Variants in PEX26 observed in about 807,000 individuals in gnomAD.
The protein encoded by PEX26 is peroxisomal biogenesis factor 26, also known as peroxisome assembly protein 26.
A neutral mutation model predicts 31.4 loss-of-function variants in PEX26; 18 were observed. The ratio of observed to expected loss-of-function variants is 0.57; its 90% confidence interval spans 0.40 to 0.85. The LOEUF (loss-of-function observed/expected upper bound fraction) is 0.85. Ranked by LOEUF, PEX26 falls within the 40% of genes least tolerant of loss-of-function variation. The pLI is 0.00. For missense variants in PEX26, 377 were observed against 383.9 expected, an observed-to-expected ratio of 0.98 and a Z score of 0.15; for synonymous variants, 176 against 166.9, an observed-to-expected ratio of 1.05 and a Z score of -0.42.
Position 18,083,405 on chromosome 22 carries a change from T to C in PEX26, c.372-32T>C, listed in dbSNP as rs369315161. ...CCAATCATTGAGCACTGACTCTTCT[T>C]TTGTTGGGATTGGGTTTTTTGGGGA... On this transcript the variant is annotated intron_variant, in intron 2 of 4. Coordinates refer to ENST00000399744, the MANE Select transcript of PEX26 (RefSeq NM_001127649.3). 7 of 1,609,838 alleles carry C rather than the reference T, an allele frequency of 4.3e-6. No individual in the cohort carries two copies. In the African/African-American group the frequency reaches 8.0e-5, roughly 18 times the overall value.
At chr22:18,082,541 C>T (rs994644504) in intron 2 of PEX26, among the ~76,000 whole-genome samples, 1 of 152,096 alleles carries the variant, frequency 6.6e-6, no homozygotes, top group African/African-American at 2.4e-5. Flanking sequence ...TTTCTGGGCT[C>T]TCTGTTCTGT....
intron 3 of PEX26, among the ~76,000 whole-genome samples, chr22:18,084,250 T>A (rs962674923): frequency 6.7e-6 from 1 of 149,674 alleles, no homozygotes; most frequent in African/African-American, 2.5e-5. Flanking sequence ...TTTTTTTTTT[T>A]TTTTTTTTGT....
intron 4 of PEX26, among the ~76,000 whole-genome samples, chr22:18,085,871 C>CAAAACAAAAAACAA (rs543906691): frequency 6.7e-6 from 1 of 150,320 alleles, no homozygotes; most frequent in Non-Finnish European, 1.5e-5. Flanking sequence ...GACTCTGTCT[C>CAAAACAAAAAACAA]AAAACAAAAA....
Position 18,083,419 on chromosome 22 carries a change from GT to G in PEX26, c.372-12del, listed in dbSNP as rs1489019658. On this transcript the variant is annotated splice_polypyrimidine_tract_variant and intron_variant, in intron 2 of 4. Transcript: ENST00000399744. ...CTGACTCTTCTTTTGTTGGGATTGG[GT>G]TTTTTGGGGACTGCAGCATTCTTTT... 1 of 1,613,006 alleles carries G rather than the reference GT, an allele frequency of 6.2e-7. No homozygotes were observed.
chr22:18,090,003 A>G lies in PEX26; in HGVS notation c.*1928A>G, dbSNP rs905337330. 1 of 152,300 alleles carries G rather than the reference A, an allele frequency of 6.6e-6. No individual in the cohort carries two copies. The allele number at this position is 152,300 out of a possible 1,614,324, so 9.4% of individuals were successfully genotyped here. On this transcript the variant is annotated 3_prime_UTR_variant, in exon 5 of 5. Coordinates refer to ENST00000399744, the MANE Select transcript of PEX26 (RefSeq NM_001127649.3). ...AGGTGTGAGCCATCGCGCCCGGCCA[A>G]CTTTTCTTTAGAAAAATGAGTAAAG...
intron 4 of PEX26, among the ~76,000 whole-genome samples, chr22:18,085,666 C>A (rs1298768808): frequency 6.6e-6 from 1 of 151,856 alleles, no homozygotes; most frequent in African/African-American, 2.4e-5. Context: ...GTCAGGAAAT[C>A]GAGACCAGCC....
Position 18,101,720 on chromosome 22 carries a change from G to C in PEX26, c.*13645G>C, listed in dbSNP as rs968676028. ...GTGATGAAATCACCCTCTCCTTTAA[G>C]ACCTGGCATTACAATGGCCTCATCC... On this transcript the variant is annotated 3_prime_UTR_variant, in exon 5 of 5. Coordinates refer to ENST00000399744, the MANE Select transcript of PEX26 (RefSeq NM_001127649.3). The C allele has an allele frequency of 3.7e-6, 1 of 270,782 alleles. No homozygotes were observed. The highest frequency in any genetic ancestry group is 2.3e-5 in the African/African-American group (1 of 43,782). 16.8% of individuals were successfully genotyped at this position (270,782 alleles called of 1,614,324 possible).
At position 18,083,493 on chromosome 22, in the gene PEX26, C is replaced by G. The variant is rs1339815846; in HGVS notation, c.428C>G (p.Ala143Gly). The change falls in exon 3 of 5, where the codon GCC (alanine) becomes GGC (glycine). Residue 143 changes from alanine to glycine, a missense_variant. Coordinates refer to ENST00000399744, the MANE Select transcript of PEX26 (RefSeq NM_001127649.3). ...EPGAVLDVVG[A>G]WLQDPANQNL... ...GGAGCTGTGCTGGATGTGGTGGGTG[C>G]CTGGCTCCAAGACCCAGCCAATCAA... 3 of 1,614,068 alleles carry G rather than the reference C, an allele frequency of 1.9e-6. No homozygotes were observed. The South Asian group carries it at 3.3e-5, about 18-fold the overall frequency.
rs1927237784 is a variant in PEX26, at chr22:18,094,712, A to G, written c.*6637A>G. 1 of 150,724 alleles carries G rather than the reference A, an allele frequency of 6.6e-6. No individual in the cohort carries two copies. Among genetic ancestry groups the G allele is most frequent in the African/African-American group, 2.4e-5 (1 of 40,976 alleles). The allele number at this position is 150,724 out of a possible 1,614,324, so 9.3% of individuals were successfully genotyped here. On this transcript the variant is annotated 3_prime_UTR_variant, in exon 5 of 5. Coordinates refer to ENST00000399744, the MANE Select transcript of PEX26 (RefSeq NM_001127649.3). The stretch of plus-strand genomic sequence containing the variant: ...TCTTGCCTTGTCTCTGACCCCACTG[A>G]CTGCCCCTTTTCTGCCTCCATAGCT...
At position 18,083,862 on chromosome 22, in the gene PEX26, T is replaced by C. The variant is rs969503773; in HGVS notation, c.667+130T>C. On this transcript the variant is annotated intron_variant, in intron 3 of 4. Transcript: ENST00000399744. The stretch of plus-strand genomic sequence containing the variant: ...TATGAATAACTCTTGAGTCACAGAA[T>C]AGGAGGCCTGTTGATTTGCTTCACA... 2.6e-5 allele frequency: 22 copies of C among 843,680 alleles called. No homozygotes were observed. In the African/African-American group the frequency reaches 2.7e-4, roughly 10 times the overall value. 52.3% of individuals were successfully genotyped at this position (843,680 alleles called of 1,614,324 possible).
intron 1 of PEX26, chr22:18,078,840 A>G (rs1210868308): frequency 1.4e-6 from 1 of 693,498 alleles, no homozygotes; most frequent in East Asian, 2.7e-5. Flanking sequence ...TCCTTGTTCC[A>G]AGGTACAATG....
rs1440282689 is a variant in PEX26 at position 18,085,168 on chromosome 22, T to C, written c.724T>C (p.Ser242Pro). The change falls in exon 4 of 5, where the codon TCT becomes CCT. Residue 242 changes from serine (S) to proline (P), a missense_variant. Coordinates refer to ENST00000399744, the MANE Select transcript of PEX26 (RefSeq NM_001127649.3). ...GATGTTGGTTCGCCAGCTTTGGGAC[T>C]CTGCGGTGAGCCACTTCTTTTCTCT... ...LPMLVRQLWD[S>P]AVSHFFSLPF... is the part of the protein sequence containing the mutation. 1 of 1,614,066 alleles carries C rather than the reference T, an allele frequency of 6.2e-7. No individual in the cohort carries two copies. The highest frequency in any genetic ancestry group is 8.5e-7 in the Non-Finnish European group (1 of 1,180,028).
In PEX26 at chr22:18,102,863, A is replaced by T. The variant is rs991748615; in HGVS notation, c.*14788A>T. 1.3e-5 allele frequency: 2 copies of T among 152,120 alleles called. No homozygotes were observed. Among genetic ancestry groups the T allele is most frequent in the Non-Finnish European group, 2.9e-5 (2 of 68,020 alleles). 9.4% of individuals were successfully genotyped at this position (152,120 alleles called of 1,614,324 possible). The stretch of plus-strand genomic sequence containing the variant: ...TACTTTAGGAGGCTGAGGCGGGCGA[A>T]TCACGAGGTCAGGAGTTCGAGACCA... On this transcript the variant is annotated 3_prime_UTR_variant, in exon 5 of 5. Coordinates refer to ENST00000399744, the MANE Select transcript of PEX26 (RefSeq NM_001127649.3).
rs794727805 is a variant in PEX26 at position 18,087,962 on chromosome 22, T to G, written c.815-10T>G. ...TGGGACGTTCACTGTAGTCTCCCTC[T>G]GCCCTGCAGCTTCCCCTTCCTCCCT... On this transcript the variant is annotated splice_polypyrimidine_tract_variant and intron_variant, in intron 4 of 4. Coordinates refer to ENST00000399744, the MANE Select transcript of PEX26 (RefSeq NM_001127649.3). 2 of 1,587,228 alleles carry G rather than the reference T, an allele frequency of 1.3e-6. No individual in the cohort carries two copies. The highest frequency in any genetic ancestry group is 2.7e-5 in the African/African-American group (2 of 74,376).
At chr22:18,083,786 G>A in intron 3 of PEX26, 54 bp downstream of exon 3, 3 of 1,538,064 alleles carry the variant, frequency 2.0e-6, no homozygotes, top group East Asian at 2.3e-5. Flanking sequence ...GGCTTGCACT[G>A]TACCTCGGGG....
At chr22:18,083,272 G>A (rs761107310) in intron 2 of PEX26, among the ~76,000 whole-genome samples, 165 bp from the exon 3 acceptor site, 1 of 152,136 alleles carries the variant, frequency 6.6e-6, no homozygotes, top group Non-Finnish European at 1.5e-5. Flanking sequence ...GTTAGTGATG[G>A]GTGTGTCGTG....
chr22:18,081,075 A>G (rs1244723618), intron 2 of PEX26, among the ~76,000 whole-genome samples: 1 of 150,214 alleles, frequency 6.7e-6, no homozygotes, highest in Non-Finnish European at 1.5e-5. Context: ...TTCACTTAAC[A>G]TGATGTCCCC....
Position 18,103,225 on chromosome 22 carries a change from G to C in PEX26, c.*15150G>C, listed in dbSNP as rs544608383. 2 of 151,956 alleles carry C rather than the reference G, an allele frequency of 1.3e-5. No individual in the cohort carries two copies. Among genetic ancestry groups the C allele is most frequent in the South Asian group, 4.1e-4 (2 of 4,826 alleles). 9.4% of individuals were successfully genotyped at this position (151,956 alleles called of 1,614,324 possible). ...GGCTTGATGGACACAAACATAGATA[G>C]AAGGAGTGAGTTCTAATGCTTGATA... is the stretch of plus-strand genomic sequence containing the variant. On this transcript the variant is annotated 3_prime_UTR_variant, in exon 5 of 5. Coordinates refer to ENST00000399744, the MANE Select transcript of PEX26 (RefSeq NM_001127649.3).
In PEX26 at chr22:18,088,874, C is replaced by G. The variant is rs1926957933; in HGVS notation, c.*799C>G. 1 of 152,984 alleles carries G rather than the reference C, an allele frequency of 6.5e-6. No individual in the cohort carries two copies. Among genetic ancestry groups the G allele is most frequent in the African/African-American group, 2.4e-5 (1 of 41,466 alleles). 9.5% of individuals were successfully genotyped at this position (152,984 alleles called of 1,614,324 possible). A position where few individuals can be genotyped will look rare whatever the true frequency, so the allele number is the denominator to read the frequency against. ...TCTAATTCTGTATCAATAGGCTGTT[C>G]CCATGGTCTTGCCATGCGCTTGAAG... On this transcript the variant is annotated 3_prime_UTR_variant, in exon 5 of 5. Coordinates refer to ENST00000399744, the MANE Select transcript of PEX26 (RefSeq NM_001127649.3). The surrounding 1 kb of genome is among the most constrained non-coding windows in gnomAD (Gnocchi z 4.1).
Sources: allele counts gnomAD v4.1 joint callset (sites outside exome capture counted in the v4.1 genomes callset), GRCh38; gene constraint gnomAD v4.1.1; non-coding constraint Gnocchi (gnomAD v3.1); transcripts MANE v1.5; gene names NCBI Gene and HGNC (gene_info 2026-07-23, HGNC 2026-07-21).